SMARCA1: variants seen among roughly 807,000 people sequenced by gnomAD.
SMARCA1 encodes the protein SWI/SNF-related matrix-associated actin-dependent regulator of chromatin subfamily A member 1.
Under a neutral mutation model 93.6 loss-of-function variants are expected in SMARCA1, and 17 were observed. The ratio of observed to expected loss-of-function variants is 0.18; its 90% CI spans 0.12 to 0.27. The LOEUF (loss-of-function observed/expected upper bound fraction) is 0.27, where lower values mean the gene tolerates loss of function less well. Ranked by LOEUF, SMARCA1 falls within the 10% of genes least tolerant of loss-of-function variation. The pLI, the probability that SMARCA1 is intolerant of heterozygous loss-of-function variation, is 1.00. For synonymous variants in SMARCA1, 271 were observed against 271.4 expected, an observed-to-expected ratio of 1.00 and a Z score of 0.01; for missense variants, 630 against 819.0, an observed-to-expected ratio of 0.77 and a Z score of 2.82.
intron 12 of SMARCA1, among the ~76,000 whole-genome samples, chrX:129,493,823 G>A (rs1198471545): frequency 3.6e-5 from 4 of 112,020 alleles, no homozygotes; most frequent in African/African-American, 1.3e-4. Context: ...TTAAGCAGAG[G>A]TTACAGGAAC....
At chrX:129,504,506 A>G (rs1263982317) in intron 9 of SMARCA1, among the ~76,000 whole-genome samples, 1 of 98,376 alleles carries the variant, frequency 1.0e-5, no homozygotes, top group Non-Finnish European at 2.0e-5. Context: ...GGAGAGCCAA[A>G]GGAAAAAAGC....
intron 12 of SMARCA1, among the ~76,000 whole-genome samples, 166 bp downstream of exon 12, chrX:129,496,584 A>G (rs1384526620): frequency 1.8e-5 from 2 of 111,570 alleles, no homozygotes; most frequent in Non-Finnish European, 3.8e-5. Flanking sequence ...TAAAGAATCA[A>G]TGGAATGGAA....
intron 19 of SMARCA1, among the ~76,000 whole-genome samples, chrX:129,471,585 A>G (rs1419884942): frequency 1.8e-5 from 2 of 112,004 alleles, no homozygotes; most frequent in African/African-American, 6.5e-5. Context: ...ATACCCTGGA[A>G]CAAAGTCTAC....
At chrX:129,490,827 C>G (rs886127863) in intron 14 of SMARCA1, among the ~76,000 whole-genome samples, 6 of 110,966 alleles carry the variant, frequency 5.4e-5, no homozygotes, top group African/African-American at 2.0e-4. Flanking sequence ...CAAAACAGGC[C>G]TTGTACTAAA....
chrX:129,483,757 T>C (rs1315514839), intron 17 of SMARCA1, among the ~76,000 whole-genome samples: 2 of 111,986 alleles, frequency 1.8e-5, no homozygotes, highest in Non-Finnish European at 3.8e-5. Flanking sequence ...TGCTAACTTA[T>C]CTGGGTTAAT....
At chrX:129,448,284 T>TA in intron 24 of SMARCA1, 49 bp downstream of exon 24, 6 of 1,140,181 alleles carry the variant, frequency 5.3e-6, no homozygotes, top group Non-Finnish European at 7.2e-6. Context: ...TTTAATTATG[T>TA]AAAAAAATGG....
chrX:129,481,153 T>G lies in SMARCA1; in HGVS notation c.2250A>C (p.Lys750Asn). 1 of 1,203,910 alleles carries G rather than the reference T, an allele frequency of 8.3e-7. No individual in the cohort carries two copies. Among genetic ancestry groups the G allele is most frequent in the Non-Finnish European group, 1.1e-6 (1 of 889,112 alleles). The change falls in exon 18 of 25, where the codon AAA becomes AAC. Residue 750 changes from lysine (K) to asparagine (N), a missense_variant. Transcript: ENST00000371121. ...CTGCGTAGTTTGCTTTGCGTTCTCGTTTAGGAGGTTCAATCCATTCCACCA... is the reference window on the plus strand; with the variant it reads ...CTGCGTAGTTTGCTTTGCGTTCTCGGTTAGGAGGTTCAATCCATTCCACCA... ...LGMVEWIEPPKRERKANYAVD... is the reference protein window; with the variant it reads ...LGMVEWIEPPNRERKANYAVD...
chrX:129,483,106 G>A (rs1036894654), intron 17 of SMARCA1, among the ~76,000 whole-genome samples: 1 of 112,332 alleles, frequency 8.9e-6, no homozygotes, highest in Non-Finnish European at 1.9e-5. Flanking sequence ...GAAAGTTAGA[G>A]AAAGTAGATG....
At chrX:129,513,243 G>A (rs1006180478) in intron 5 of SMARCA1, among the ~76,000 whole-genome samples, 1 of 109,929 alleles carries the variant, frequency 9.1e-6, no homozygotes, top group African/African-American at 3.3e-5. Context: ...ATCTGGTATC[G>A]GCTGGGTGCA....
chrX:129,468,048 G>A lies in SMARCA1; in HGVS notation c.2698+725C>T, dbSNP rs7065588. The stretch of plus-strand genomic sequence containing the variant: ...ATAAGATTTCTGGATAGCTAAACAC[G>A]AAGAGGTTTCGCCCAGGGAGGGCAC... On this transcript the variant is annotated intron_variant, in intron 21 of 24. Transcript: ENST00000371121. Among the ~76,000 whole-genome samples, 6 of 112,706 alleles carry A rather than the reference G, an allele frequency of 5.3e-5. No homozygotes were observed. The East Asian group carries it at 8.3e-4, about 16-fold the overall frequency.
intron 17 of SMARCA1, among the ~76,000 whole-genome samples, chrX:129,483,310 C>T (rs560077928): frequency 8.9e-6 from 1 of 111,754 alleles, no homozygotes. Context: ...CCCAACACTA[C>T]AGTGTTCAGA....
chrX:129,517,671 A>G (rs1935252361), intron 2 of SMARCA1, among the ~76,000 whole-genome samples: 1 of 111,092 alleles, frequency 9.0e-6, no homozygotes, highest in Non-Finnish European at 1.9e-5. Flanking sequence ...ATATTACTGC[A>G]AAAACAACCC....
chrX:129,491,781 C>T (rs1239945275), intron 14 of SMARCA1, among the ~76,000 whole-genome samples, 160 bp downstream of exon 14: 1 of 111,754 alleles, frequency 8.9e-6, no homozygotes, highest in Non-Finnish European at 1.9e-5. Context: ...TTTGTTTTTG[C>T]AATTAGCATA....
At chrX:129,517,103 TG>T (rs1156911126) in intron 2 of SMARCA1, among the ~76,000 whole-genome samples, 1 of 111,334 alleles carries the variant, frequency 9.0e-6, no homozygotes, top group African/African-American at 3.3e-5. Flanking sequence ...AACTGTATTT[TG>T]TGCTAGTAGC....
chrX:129,515,980 C>A lies in SMARCA1; in HGVS notation c.443G>T (p.Arg148Leu), dbSNP rs1418467441. 2.5e-6 allele frequency: 3 copies of A among 1,199,023 alleles called. No homozygotes were observed. Among genetic ancestry groups the A allele is most frequent in the Non-Finnish European group, 3.4e-6 (3 of 885,618 alleles). Reference protein sequence around the residue: ...LISAGDYRHRRTEQEEDEELL... With the variant: ...LISAGDYRHRLTEQEEDEELL... The stretch of plus-strand genomic sequence containing the variant: ...CTCTTCATCTTCTTCTTGCTCTGTG[C>A]GCCTATGGCGGTAGCTGAAATTAAA... The change falls in exon 4 of 25, where the codon CGC (arginine) becomes CTC (leucine). Residue 148 changes from arginine to leucine, a missense_variant. Physicochemically the swap from Arg to Leu is moderately radical, Grantham distance 102. This residue lies in a region of SMARCA1 where 382 missense variants were observed against 537.9 expected (regional missense o/e 0.71). Transcript: ENST00000371121.
intron 1 of SMARCA1, among the ~76,000 whole-genome samples, chrX:129,519,942 A>G (rs1169270906): frequency 9.0e-6 from 1 of 111,405 alleles, no homozygotes; most frequent in Non-Finnish European, 1.9e-5. Flanking sequence ...CTTACAGAAA[A>G]TTAAAGCTTT....
At chrX:129,481,368 G>T (rs1312857885) in intron 17 of SMARCA1, among the ~76,000 whole-genome samples, 183 bp from the exon 18 acceptor site, 1 of 112,470 alleles carries the variant, frequency 8.9e-6, no homozygotes, top group Non-Finnish European at 1.9e-5. Flanking sequence ...AAGTTTAGAT[G>T]CAAAGACAGT....
Position 129,507,941 on chromosome X carries a change from C to T in SMARCA1, c.966G>A (p.Lys322=). 8.9e-7 allele frequency: 1 copy of T among 1,125,188 alleles called. No homozygotes were observed. Among genetic ancestry groups the T allele is most frequent in the East Asian group, 3.2e-5 (1 of 31,391 alleles). 92.7% of individuals were successfully genotyped at this position (1,125,188 alleles called of 1,213,427 possible). ...TTTAATAAAGATATTGATAACTTAC[C>T]TTAGATTTTTCATTCTTTATTCTGT... The part of the protein sequence containing the change: ...EAHRIKNEKS[K]LSEIVREFKS... The change falls in exon 7 of 25, where the codon AAG becomes AAA. Residue 322 remains lysine, a splice_region_variant and synonymous_variant. Coordinates refer to ENST00000371121, the MANE Select transcript of SMARCA1 (RefSeq NM_001282874.2).
At chrX:129,485,178 G>A (rs776872168) in intron 17 of SMARCA1, among the ~76,000 whole-genome samples, 91 of 112,368 alleles carry the variant, frequency 8.1e-4, no homozygotes, top group Non-Finnish European at 1.5e-3. Flanking sequence ...GAACAGCCAC[G>A]TGGGCTGTAC....
Sources: allele counts gnomAD v4.1 joint callset (sites outside exome capture counted in the v4.1 genomes callset), GRCh38; gene constraint gnomAD v4.1.1; regional missense constraint gnomAD v4.1.1; transcripts MANE v1.5; gene names NCBI Gene and HGNC (gene_info 2026-07-23, HGNC 2026-07-21).